Variants in ANOS1 observed in about 807,000 individuals in gnomAD.
The protein encoded by ANOS1 is anosmin-1.
Under a neutral mutation model 59.0 loss-of-function variants are expected in ANOS1, and 6 were observed. That is an observed-to-expected ratio of 0.10 (90% confidence interval 0.06 to 0.20). The LOEUF is 0.20. Among genes scored for constraint, ANOS1 ranks in the 10% least tolerant of loss-of-function variants. The pLI is 1.00. For synonymous variants in ANOS1, 217 were observed against 223.4 expected, an observed-to-expected ratio of 0.97 and a Z score of 0.25; for missense variants, 433 against 542.3, an observed-to-expected ratio of 0.80 and a Z score of 2.00.
At chrX:8,695,023 A>C (rs1932663126) in intron 2 of ANOS1, among the ~76,000 whole-genome samples, 3 of 111,867 alleles carry the variant, frequency 2.7e-5, no homozygotes, top group Admixed American at 9.5e-5. Context: ...TATATTTTAA[A>C]AGGCTTGGCC....
chrX:8,588,795 A>G (rs927713924), intron 4 of ANOS1, among the ~76,000 whole-genome samples: 1 of 112,402 alleles, frequency 8.9e-6, no homozygotes, highest in Admixed American at 9.5e-5. Flanking sequence ...CAGGCATTTC[A>G]GAAAGGGAAT....
intron 8 of ANOS1, among the ~76,000 whole-genome samples, chrX:8,557,095 C>T (rs1375418772): frequency 8.0e-5 from 9 of 111,910 alleles, no homozygotes; most frequent in African/African-American, 1.9e-4. Flanking sequence ...ATTTAATAAA[C>T]GGTGCTGGGA....
At chrX:8,534,270 T>G in intron 13 of ANOS1, 49 bp downstream of exon 13, 1 of 1,175,513 alleles carries the variant, frequency 8.5e-7, no homozygotes, top group African/African-American at 1.8e-5. Flanking sequence ...TTTTTCTCTA[T>G]GTCCACAAGA....
chrX:8,592,260 A>G (rs906743941), intron 4 of ANOS1, among the ~76,000 whole-genome samples: 2 of 111,009 alleles, frequency 1.8e-5, no homozygotes, highest in Non-Finnish European at 3.8e-5. Flanking sequence ...TTTACATCAC[A>G]TTAAGGCATT....
At chrX:8,685,597 G>GAAGGAAGGAAGA (rs1418864805) in intron 2 of ANOS1, among the ~76,000 whole-genome samples, 54 of 57,267 alleles carry the variant, frequency 9.4e-4, no homozygotes, top group African/African-American at 1.2e-3. Flanking sequence ...AGAAAGAAAG[G>GAAGGAAGGAAGA]AAGAAAGAAA....
intron 2 of ANOS1, among the ~76,000 whole-genome samples, chrX:8,626,598 G>A (rs376274236): frequency 9.0e-6 from 1 of 110,996 alleles, no homozygotes; most frequent in African/African-American, 3.3e-5. Context: ...GGTGGCTCAC[G>A]CCTGTAATCC....
chrX:8,541,290 C>G (rs758806596), intron 9 of ANOS1, among the ~76,000 whole-genome samples: 92 of 103,210 alleles, frequency 8.9e-4, no homozygotes, highest in African/African-American at 3.0e-3. Context: ...GTAATCCCAG[C>G]TACTCGGGAG....
At chrX:8,617,077 T>C (rs1931189990) in intron 3 of ANOS1, among the ~76,000 whole-genome samples, 1 of 112,389 alleles carries the variant, frequency 8.9e-6, no homozygotes. Context: ...TTGGGGAAGC[T>C]ATTGTTCTGA....
intron 1 of ANOS1, among the ~76,000 whole-genome samples, chrX:8,703,533 C>A (rs1469621723): frequency 9.0e-6 from 1 of 111,587 alleles, no homozygotes; most frequent in Non-Finnish European, 1.9e-5. Flanking sequence ...GTCAGGGAAA[C>A]CAAGTAAAAT....
chrX:8,675,738 G>T (rs1356474558), intron 2 of ANOS1, among the ~76,000 whole-genome samples: 1 of 108,271 alleles, frequency 9.2e-6, no homozygotes, highest in African/African-American at 3.4e-5. Context: ...ACATGTGCAG[G>T]ATGTGCAGGT....
intron 3 of ANOS1, among the ~76,000 whole-genome samples, chrX:8,609,463 TA>T (rs995874950): frequency 2.7e-5 from 3 of 111,931 alleles, no homozygotes; most frequent in Non-Finnish European, 5.6e-5. Flanking sequence ...ATCTTAATGC[TA>T]AAACCCTGCC....
intron 3 of ANOS1, among the ~76,000 whole-genome samples, chrX:8,597,844 ATTTT>A (rs1468398693): frequency 9.3e-6 from 1 of 107,679 alleles, no homozygotes; most frequent in Non-Finnish European, 1.9e-5. Flanking sequence ...GCTAATTTTT[ATTTT>A]TTGTAGAAAT....
intron 1 of ANOS1, 126 bp downstream of exon 1, chrX:8,731,704 G>C: frequency 9.2e-7 from 1 of 1,088,246 alleles, no homozygotes; most frequent in Non-Finnish European, 1.2e-6. Context: ...ACGCCCAGGG[G>C]AAGCCAGGAT....
chrX:8,566,897 T>A (rs2146804261), intron 8 of ANOS1, among the ~76,000 whole-genome samples: 1 of 111,870 alleles, frequency 8.9e-6, no homozygotes, highest in Non-Finnish European at 1.9e-5. Context: ...CAGCATTGCC[T>A]TTCCTAAATT....
chrX:8,668,900 G>C (rs1004643456), intron 2 of ANOS1, among the ~76,000 whole-genome samples: 1 of 111,444 alleles, frequency 9.0e-6, no homozygotes, highest in Non-Finnish European at 1.9e-5. Flanking sequence ...GATGAGAAAG[G>C]GGAGTCACAG....
chrX:8,726,801 A>C (rs772110896), intron 1 of ANOS1, among the ~76,000 whole-genome samples: 94 of 112,362 alleles, frequency 8.4e-4, no homozygotes, highest in Non-Finnish European at 1.4e-3. Context: ...AAATGCATCA[A>C]GAGTCACCTA....
intron 2 of ANOS1, among the ~76,000 whole-genome samples, chrX:8,624,529 T>C (rs1015148504): frequency 9.0e-6 from 1 of 111,561 alleles, no homozygotes; most frequent in Non-Finnish European, 1.9e-5. Context: ...AGCACTCAGA[T>C]ACATCGAGTT....
chrX:8,729,516 G>A (rs1932951133), intron 1 of ANOS1, among the ~76,000 whole-genome samples: 1 of 98,051 alleles, frequency 1.0e-5, no homozygotes, highest in African/African-American at 3.8e-5. Flanking sequence ...TCCTCCCTCA[G>A]CCTCCTGAGT....
chrX:8,585,879 TTGAG>T (rs776962238), intron 5 of ANOS1, among the ~76,000 whole-genome samples: 16 of 111,943 alleles, frequency 1.4e-4, no homozygotes, highest in African/African-American at 4.9e-4. Flanking sequence ...TAAAAATCTC[TTGAG>T]TAAGTCACAT....
Sources: allele counts gnomAD v4.1 joint callset (sites outside exome capture counted in the v4.1 genomes callset), GRCh38; gene constraint gnomAD v4.1.1; transcripts MANE v1.5; gene names NCBI Gene and HGNC (gene_info 2026-07-23, HGNC 2026-07-21).